Variants in AKR1C3 observed in about 807,000 individuals in gnomAD.
AKR1C3 encodes the protein 3-alpha hydroxysteroid dehydrogenase, type II.
Under a neutral mutation model 43.6 loss-of-function variants are expected in AKR1C3, and 48 were observed. That is an observed-to-expected ratio of 1.10 (90% CI 0.87 to 1.40). The LOEUF is 1.40. Among genes scored for constraint, AKR1C3 ranks in the 40% most tolerant of loss-of-function variants. The pLI, the probability that AKR1C3 is intolerant of heterozygous loss-of-function variation, is 0.00. For missense variants in AKR1C3, 482 were observed against 391.2 expected (o/e 1.23, Z -1.96); for synonymous variants, 162 against 139.6 (o/e 1.16, Z -1.13).
intron 7 of AKR1C3, among the ~76,000 whole-genome samples, chr10:5,103,474 C>T (rs907335379): frequency 3.9e-5 from 6 of 152,102 alleles, no homozygotes; most frequent in Non-Finnish European, 7.3e-5. Context: ...ACTCAGGATT[C>T]TCTAGTTAGA....
At chr10:5,105,107 T>C (rs1415051473) in intron 7 of AKR1C3, among the ~76,000 whole-genome samples, 1 of 152,224 alleles carries the variant, frequency 6.6e-6, no homozygotes, top group Non-Finnish European at 1.5e-5. Flanking sequence ...CCTTTAGACA[T>C]GAAATTGTTA....
intron 1 of AKR1C3, among the ~76,000 whole-genome samples, chr10:5,071,147 T>C (rs1838606385): frequency 6.6e-6 from 1 of 152,238 alleles, no homozygotes; most frequent in South Asian, 2.1e-4. Context: ...ACAAAATAAC[T>C]GTAACTGGCT....
At chr10:5,067,214 C>T (rs1256253297) in intron 1 of AKR1C3, among the ~76,000 whole-genome samples, 1 of 152,128 alleles carries the variant, frequency 6.6e-6, no homozygotes. Flanking sequence ...ATAACAGATC[C>T]CTTTTCCATT....
At chr10:5,084,558 G>A (rs557705349) in intron 1 of AKR1C3, among the ~76,000 whole-genome samples, 2,917 of 152,180 alleles carry the variant, frequency 0.019, 39 homozygotes, top group African/African-American at 0.031. Flanking sequence ...TTGGTGAGGC[G>A]GGCTCTTTTT....
Position 5,096,409 on chromosome 10 carries a change from G to A in AKR1C3, c.85-1G>A. 1 of 1,612,646 alleles carries A rather than the reference G, an allele frequency of 6.2e-7. No homozygotes were observed. Among genetic ancestry groups the A allele is most frequent in the Non-Finnish European group, 8.5e-7 (1 of 1,179,100 alleles). On this transcript the variant is annotated splice_acceptor_variant, in intron 1 of 8. Transcript: ENST00000380554. LOFTEE classifies it high-confidence loss of function. ...GATACTACCTTTGGTTGCTCCTCCA[G>A]GTTCCGAGAAGTAAAGCTTTGGAGG...
chr10:5,099,087 C>G (rs1313658208), intron 4 of AKR1C3, among the ~76,000 whole-genome samples: 2 of 152,174 alleles, frequency 1.3e-5, no homozygotes, highest in Non-Finnish European at 2.9e-5. Context: ...GGACAGGAAT[C>G]TCTTTCCTTG....
chr10:5,096,227 G>A (rs929539571), intron 1 of AKR1C3, 183 bp from the exon 2 acceptor site: 1 of 609,116 alleles, frequency 1.6e-6, no homozygotes. Context: ...TGAGACTGAA[G>A]GTGTTTCTGG....
At chr10:5,096,178 A>C (rs2131837907) in intron 1 of AKR1C3, 1 of 417,946 alleles carries the variant, frequency 2.4e-6, no homozygotes, top group East Asian at 3.8e-5. Flanking sequence ...TGAGGGTGTT[A>C]TTTGGTACCT....
intron 1 of AKR1C3, among the ~76,000 whole-genome samples, chr10:5,076,010 T>A (rs1838709681): frequency 6.6e-6 from 1 of 152,132 alleles, no homozygotes; most frequent in African/African-American, 2.4e-5. Flanking sequence ...GCTATTCAAA[T>A]CCCAGTTGTT....
intron 1 of AKR1C3, among the ~76,000 whole-genome samples, chr10:5,084,010 T>G (rs1838898392): frequency 6.6e-6 from 1 of 152,364 alleles, no homozygotes; most frequent in East Asian, 1.9e-4. Flanking sequence ...TGCAAAAATT[T>G]TCTCCCATTC....
chr10:5,051,760 C>CGT (rs1296217803), intron 1 of AKR1C3, among the ~76,000 whole-genome samples: 4 of 152,152 alleles, frequency 2.6e-5, no homozygotes, highest in Non-Finnish European at 5.9e-5. Context: ...TTAGACATAC[C>CGT]GCCTTTGGCT....
At chr10:5,104,693 C>T (rs1327107649) in intron 7 of AKR1C3, among the ~76,000 whole-genome samples, 1 of 152,070 alleles carries the variant, frequency 6.6e-6, no homozygotes, top group African/African-American at 2.4e-5. Context: ...AATATTGAGA[C>T]TTTCAACCTA....
At chr10:5,090,163 A>C (rs1490043029), upstream of AKR1C3, among the ~76,000 whole-genome samples, 1 of 152,096 alleles carries the variant, frequency 6.6e-6, no homozygotes, top group Non-Finnish European at 1.5e-5. Context: ...TGGACCGTGG[A>C]ATGATCAGTG....
rs1468914837 is a variant in AKR1C3 at position 5,099,347 on chromosome 10, T to G, written c.468T>G (p.Asp156Glu). 1.2e-6 allele frequency: 2 copies of G among 1,614,148 alleles called. No individual in the cohort carries two copies. The highest frequency in any genetic ancestry group is 2.7e-5 in the African/African-American group (2 of 75,014). ...TTWEAMEKCK[D>E]AGLAKSIGVS... ...CACAGGCCATGGAGAAGTGTAAGGA[T>G]GCAGGATTGGCCAAGTCCATTGGGG... Residue 156 changes from aspartate (D) to glutamate (E), a missense_variant, in exon 5 of 9, where the codon GAT (aspartate) becomes GAG (glutamate). By Grantham distance (45) the Asp-to-Glu change is conservative. Transcript: ENST00000380554.
intron 3 of AKR1C3, chr10:5,097,810 A>G (rs1839245635): frequency 8.2e-7 from 1 of 1,216,086 alleles, no homozygotes; most frequent in East Asian, 5.2e-5. Context: ...GTCTCTTTCA[A>G]GGCACTGTCT....
At chr10:5,069,618 TA>T in intron 1 of AKR1C3, among the ~76,000 whole-genome samples, 1 of 152,306 alleles carries the variant, frequency 6.6e-6, no homozygotes, top group South Asian at 2.1e-4. Flanking sequence ...CTTATGCCTG[TA>T]ATTCCAGCAC....
intron 4 of AKR1C3, among the ~76,000 whole-genome samples, chr10:5,099,089 C>T (rs1280404684): frequency 6.6e-6 from 1 of 152,202 alleles, no homozygotes; most frequent in African/African-American, 2.4e-5. Context: ...ACAGGAATCT[C>T]TTTCCTTGCT....
chr10:5,087,373 T>C (rs1275419886), intron 1 of AKR1C3, among the ~76,000 whole-genome samples: 3 of 38,488 alleles, frequency 7.8e-5, no homozygotes, highest in African/African-American at 5.2e-4. Flanking sequence ...ACCTTTATCA[T>C]TTCTTTCTTT....
chr10:5,079,702 A>C, intron 1 of AKR1C3, among the ~76,000 whole-genome samples: 1 of 151,548 alleles, frequency 6.6e-6, no homozygotes, highest in African/African-American at 2.4e-5. Flanking sequence ...TCTCTCCCCC[A>C]TTACCTGAGA....
Sources: allele counts gnomAD v4.1 joint callset (sites outside exome capture counted in the v4.1 genomes callset), GRCh38; gene constraint gnomAD v4.1.1; transcripts MANE v1.5; gene names NCBI Gene and HGNC (gene_info 2026-07-23, HGNC 2026-07-21).